Variants in PRKCB observed in about 807,000 individuals in gnomAD.
PRKCB encodes the protein protein kinase C beta.
In PRKCB, 13 loss-of-function variants were observed where a neutral mutation model predicts 81.5. The ratio of observed to expected loss-of-function variants is 0.16; its 90% CI spans 0.10 to 0.25. The LOEUF is 0.25. Ranked by LOEUF, PRKCB falls within the 10% of genes least tolerant of loss-of-function variation. The probability of loss-of-function intolerance (pLI) is 1.00; values close to 1 mark genes in which losing one functional copy is unlikely to be tolerated. For missense variants in PRKCB, 509 were observed against 875.7 expected, an observed-to-expected ratio of 0.58 and a Z score of 5.29; for synonymous variants, 335 against 321.4, an observed-to-expected ratio of 1.04 and a Z score of -0.45.
At chr16:24,180,277 C>G (rs1430314834) in intron 12 of PRKCB, among the ~76,000 whole-genome samples, 1 of 152,144 alleles carries the variant, frequency 6.6e-6, no homozygotes, top group Non-Finnish European at 1.5e-5. Context: ...GATGGAAACT[C>G]CTGGGTCATG....
intron 2 of PRKCB, among the ~76,000 whole-genome samples, chr16:23,886,576 C>G (rs1963206817): frequency 1.3e-5 from 2 of 151,906 alleles, no homozygotes; most frequent in African/African-American, 4.8e-5. Context: ...CCACGCCTGA[C>G]TAATTTTTGT....
At chr16:23,912,112 A>T (rs1858870) in intron 2 of PRKCB, among the ~76,000 whole-genome samples, 86,438 of 151,734 alleles carry the variant, frequency 0.57, 25,054 homozygotes, top group Admixed American at 0.64. Flanking sequence ...GATTACAGAC[A>T]TGAGCCACTG....
intron 5 of PRKCB, among the ~76,000 whole-genome samples, chr16:24,089,834 A>G (rs952462118): frequency 1.3e-5 from 2 of 152,176 alleles, no homozygotes; most frequent in African/African-American, 4.8e-5. Context: ...AGGGCATTGC[A>G]TATGAATAAG....
intron 9 of PRKCB, among the ~76,000 whole-genome samples, chr16:24,132,041 G>A (rs567357875): frequency 4.6e-5 from 7 of 152,126 alleles, no homozygotes; most frequent in East Asian, 1.9e-4. Context: ...AAAATCTTTC[G>A]TGTGATCTTG....
intron 2 of PRKCB, among the ~76,000 whole-genome samples, chr16:23,923,618 T>C (rs1963856709): frequency 6.6e-6 from 1 of 152,132 alleles, no homozygotes; most frequent in Non-Finnish European, 1.5e-5. Context: ...AACCATCTAA[T>C]GCTTGAATTC....
chr16:24,110,133 G>A lies in PRKCB; in HGVS notation c.822-2840G>A, dbSNP rs1413235276. 2.9e-3 allele frequency among the ~76,000 whole-genome samples: 88 copies of A among 30,652 alleles called. 1 individual carries two copies. The highest frequency in any genetic ancestry group is 0.014 in the African/African-American group (83 of 6,014). The allele number at this position is 30,652 out of a possible 152,430, so 20.1% of individuals were successfully genotyped here. On this transcript the variant is annotated intron_variant, in intron 7 of 16. Transcript: ENST00000643927. ...GTGGGGAGAGGGAGAGGGAGAGGGA[G>A]AGGGAGAGGAGGGAGAGGAGGGAGA...
At chr16:23,840,271 A>G (rs751723714) in intron 2 of PRKCB, among the ~76,000 whole-genome samples, 8 of 152,212 alleles carry the variant, frequency 5.3e-5, no homozygotes, top group Non-Finnish European at 1.0e-4. Context: ...ATAAGGTTTT[A>G]TGATCTCACT....
chr16:23,861,763 T>A (rs1962669140), intron 2 of PRKCB, among the ~76,000 whole-genome samples: 1 of 152,186 alleles, frequency 6.6e-6, no homozygotes, highest in South Asian at 2.1e-4. Flanking sequence ...AGCTATGTTT[T>A]GACCATGAGG....
intron 2 of PRKCB, among the ~76,000 whole-genome samples, chr16:23,951,360 C>T (rs535150065): frequency 2.0e-4 from 30 of 152,282 alleles, no homozygotes; most frequent in East Asian, 5.8e-4. Context: ...ATTAGGCATA[C>T]GCTTTTTGGG....
intron 16 of PRKCB, among the ~76,000 whole-genome samples, chr16:24,202,738 G>C (rs547516045): frequency 6.6e-6 from 1 of 152,282 alleles, no homozygotes; most frequent in East Asian, 1.9e-4. Context: ...CTCTGTCTTG[G>C]AGATTGTTTC....
chr16:24,197,637 G>A (rs1319771660), intron 16 of PRKCB, among the ~76,000 whole-genome samples: 1 of 152,192 alleles, frequency 6.6e-6, no homozygotes, highest in Non-Finnish European at 1.5e-5. Flanking sequence ...GAGTGCTGCA[G>A]GGACAAGGGT....
intron 10 of PRKCB, among the ~76,000 whole-genome samples, chr16:24,166,821 T>C (rs1967354511): frequency 1.3e-5 from 2 of 152,190 alleles, no homozygotes; most frequent in African/African-American, 2.4e-5. Flanking sequence ...CACTGGTGTG[T>C]TGAAGCCACA....
chr16:24,010,868 C>T (rs989157467), intron 3 of PRKCB, among the ~76,000 whole-genome samples: 6 of 152,106 alleles, frequency 3.9e-5, no homozygotes, highest in East Asian at 1.9e-4. Context: ...CCTTGCCACT[C>T]GATTTTTTTT....
intron 7 of PRKCB, among the ~76,000 whole-genome samples, chr16:24,108,170 C>CT (rs71154279): frequency 0.2 from 28,607 of 142,536 alleles, 3,638 homozygotes; most frequent in African/African-American, 0.37. Flanking sequence ...ATTTTTTTTT[C>CT]TTTTTTTTTT....
intron 2 of PRKCB, among the ~76,000 whole-genome samples, chr16:23,917,071 CA>C (rs1963752087): frequency 6.6e-6 from 1 of 151,966 alleles, no homozygotes; most frequent in East Asian, 1.9e-4. Flanking sequence ...CCACTGCACC[CA>C]ATGTCTCATT....
intron 16 of PRKCB, among the ~76,000 whole-genome samples, chr16:24,192,071 C>G (rs1967802020): frequency 6.6e-6 from 1 of 152,188 alleles, no homozygotes; most frequent in Non-Finnish European, 1.5e-5. Flanking sequence ...ACATAAACAC[C>G]ATCATTGAAA....
intron 7 of PRKCB, among the ~76,000 whole-genome samples, chr16:24,109,021 G>T (rs201295610): frequency 7.1e-6 from 1 of 140,872 alleles, no homozygotes; most frequent in African/African-American, 3.0e-5. Context: ...GCGGCTGGCC[G>T]GGCGGGGGGC....
At chr16:24,073,875 G>T (rs1490801637) in intron 5 of PRKCB, among the ~76,000 whole-genome samples, 1 of 151,660 alleles carries the variant, frequency 6.6e-6, no homozygotes, top group East Asian at 2.0e-4. Context: ...GGGCGTGGTG[G>T]CTCACGCCTG....
At chr16:23,917,398 G>T (rs1354952915) in intron 2 of PRKCB, among the ~76,000 whole-genome samples, 1 of 152,204 alleles carries the variant, frequency 6.6e-6, no homozygotes, top group Non-Finnish European at 1.5e-5. Context: ...TTTTATGATT[G>T]CATCGTGGTC....
Sources: gnomAD v4.1 joint callset for allele counts (sites outside exome capture counted in the v4.1 genomes callset) on GRCh38, gnomAD v4.1.1 for gene constraint, MANE v1.5 for transcripts, NCBI Gene and HGNC (gene_info 2026-07-23, HGNC 2026-07-21) for gene names.